TBC1D5: variants seen among roughly 807,000 people sequenced by gnomAD.
TBC1D5 encodes the protein TBC1 domain family member 5.
Under a neutral mutation model 100.3 loss-of-function variants are expected in TBC1D5, and 75 were observed. That is an observed-to-expected ratio of 0.75 (90% CI 0.62 to 0.91). TBC1D5 has a LOEUF of 0.91. Ranked by LOEUF, TBC1D5 falls within the 40% of genes least tolerant of loss-of-function variation. The pLI, the probability that TBC1D5 is intolerant of heterozygous loss-of-function variation, is 0.00. For synonymous variants in TBC1D5, 323 were observed against 325.6 expected, an observed-to-expected ratio of 0.99 and a Z score of 0.09; for missense variants, 910 against 942.4, an observed-to-expected ratio of 0.97 and a Z score of 0.45.
chr3:17,703,357 C>T (rs1457260348), intron 1 of TBC1D5, among the ~76,000 whole-genome samples: 1 of 151,784 alleles, frequency 6.6e-6, no homozygotes, highest in Non-Finnish European at 1.5e-5. Context: ...AAAATGTTCC[C>T]AAAACTAACC....
At chr3:17,380,128 A>C (rs1486522441) in intron 9 of TBC1D5, among the ~76,000 whole-genome samples, 4 of 151,106 alleles carry the variant, frequency 2.6e-5, no homozygotes, top group Non-Finnish European at 4.4e-5. Flanking sequence ...CAGCACAAAT[A>C]AGGTACTCAC....
At chr3:17,183,025 C>T (rs2068621603) in intron 19 of TBC1D5, among the ~76,000 whole-genome samples, 1 of 152,094 alleles carries the variant, frequency 6.6e-6, no homozygotes, top group Admixed American at 6.6e-5. Context: ...TTAGAAGCTC[C>T]AGGACTGGAA....
intron 1 of TBC1D5, among the ~76,000 whole-genome samples, chr3:17,726,632 G>C (rs2076151906): frequency 1.3e-5 from 2 of 152,160 alleles, no homozygotes; most frequent in South Asian, 4.1e-4. Flanking sequence ...TGGATGGATA[G>C]TTTAGAAATA....
chr3:17,579,415 T>C (rs2096678521), intron 2 of TBC1D5, among the ~76,000 whole-genome samples: 1 of 152,136 alleles, frequency 6.6e-6, no homozygotes. Flanking sequence ...TTTGTCAATC[T>C]TCCTGCTGCT....
At chr3:17,209,128 A>G (rs935204029) in intron 18 of TBC1D5, among the ~76,000 whole-genome samples, 3 of 152,130 alleles carry the variant, frequency 2.0e-5, no homozygotes, top group African/African-American at 4.8e-5. Context: ...TTTCACCTCT[A>G]TATCATCTAT....
chr3:17,493,323 G>C (rs1174557337), intron 3 of TBC1D5, among the ~76,000 whole-genome samples: 1 of 151,874 alleles, frequency 6.6e-6, no homozygotes, highest in African/African-American at 2.4e-5. Flanking sequence ...TAGTCTGATG[G>C]GTTTCCCTTT....
At chr3:17,556,174 C>T (rs1223808530) in intron 2 of TBC1D5, among the ~76,000 whole-genome samples, 1 of 152,060 alleles carries the variant, frequency 6.6e-6, no homozygotes, top group Admixed American at 6.5e-5. Flanking sequence ...ACCACCACAC[C>T]TGGCTAGTTT....
chr3:17,334,296 T>A (rs1394697478), intron 13 of TBC1D5, among the ~76,000 whole-genome samples: 5 of 152,160 alleles, frequency 3.3e-5, no homozygotes. Flanking sequence ...TTTCTACCTA[T>A]CATCTAAATC....
At chr3:17,462,430 T>C (rs761905230) in intron 3 of TBC1D5, among the ~76,000 whole-genome samples, 2 of 151,040 alleles carry the variant, frequency 1.3e-5, no homozygotes, top group Non-Finnish European at 2.9e-5. Context: ...CAAGAGATCC[T>C]CTCCTATCTC....
chr3:17,332,625 T>C (rs1169107504), intron 13 of TBC1D5, among the ~76,000 whole-genome samples: 3 of 148,994 alleles, frequency 2.0e-5, no homozygotes, highest in Non-Finnish European at 4.5e-5. Context: ...AAGAGAAAAA[T>C]GAATTAATAA....
chr3:17,508,643 C>A (rs2095869258), intron 2 of TBC1D5, 38 bp from the exon 3 acceptor site: 2 of 1,012,760 alleles, frequency 2.0e-6, no homozygotes, highest in African/African-American at 1.6e-5. Flanking sequence ...ATAATAAATT[C>A]TTTTTCTGCT....
At chr3:17,252,356 T>TAACTATCCC (rs2077248760) in intron 16 of TBC1D5, among the ~76,000 whole-genome samples, 1 of 152,204 alleles carries the variant, frequency 6.6e-6, no homozygotes, top group African/African-American at 2.4e-5. Flanking sequence ...TTCTCTGTGC[T>TAACTATCCC]AACTATCCCA....
chr3:17,508,721 A>T, intron 2 of TBC1D5, 116 bp from the exon 3 acceptor site: 1 of 480,500 alleles, frequency 2.1e-6, no homozygotes, highest in Non-Finnish European at 3.8e-6. Context: ...AGTTTTTCCC[A>T]GGCTCCAGGG....
chr3:17,654,213 G>C (rs192213440), intron 1 of TBC1D5, among the ~76,000 whole-genome samples: 1 of 151,976 alleles, frequency 6.6e-6, no homozygotes, highest in Non-Finnish European at 1.5e-5. Flanking sequence ...AATGAGAAAA[G>C]TATATTCATT....
intron 3 of TBC1D5, among the ~76,000 whole-genome samples, chr3:17,441,133 A>G (rs2094645745): frequency 6.6e-6 from 1 of 152,202 alleles, no homozygotes; most frequent in Non-Finnish European, 1.5e-5. Context: ...GTGGAAATTT[A>G]CCATTCTGTC....
chr3:17,406,335 CCTGCATGG>C (rs2093769108), intron 5 of TBC1D5, 75 bp downstream of exon 5: 1 of 1,218,484 alleles, frequency 8.2e-7, no homozygotes, highest in African/African-American at 1.5e-5. Flanking sequence ...TCAGTGATCC[CCTGCATGG>C]CTAATCTTCC....
intron 1 of TBC1D5, chr3:17,665,016 G>A (rs2067083491): frequency 7.9e-6 from 1 of 125,836 alleles, no homozygotes; most frequent in Non-Finnish European, 1.6e-5. Context: ...GTTTTTACCG[G>A]AAAGCCCCGC....
chr3:17,653,598 T>A (rs1161410861), intron 1 of TBC1D5, among the ~76,000 whole-genome samples: 1 of 152,118 alleles, frequency 6.6e-6, no homozygotes. Context: ...ACATAACAAC[T>A]AAATGTAATG....
At chr3:17,537,446 A>T (rs2096293349) in intron 2 of TBC1D5, among the ~76,000 whole-genome samples, 1 of 152,182 alleles carries the variant, frequency 6.6e-6, no homozygotes, top group African/African-American at 2.4e-5. Flanking sequence ...TGGAGAATTC[A>T]GTTCTTCTGG....
Sources: gnomAD v4.1 joint callset for allele counts (sites outside exome capture counted in the v4.1 genomes callset) on GRCh38, gnomAD v4.1.1 for gene constraint, MANE v1.5 for transcripts, NCBI Gene and HGNC (gene_info 2026-07-23, HGNC 2026-07-21) for gene names.